The following NCAPD3 variants were observed in gnomAD, a reference collection of about 807,000 sequenced individuals.
NCAPD3 encodes condensin-2 complex subunit D3.
NCAPD3 carries 105 observed loss-of-function variants against 182.9 expected under a neutral mutation model. That is an observed-to-expected ratio of 0.57 (90% CI 0.49 to 0.68). The LOEUF is 0.68. NCAPD3 is among the 30% of genes least tolerant of loss of function. NCAPD3 has a pLI of 0.00. For synonymous variants in NCAPD3, 815 were observed against 679.9 expected, an observed-to-expected ratio of 1.20 and a Z score of -3.09; for missense variants, 1,944 against 1,837.0, an observed-to-expected ratio of 1.06 and a Z score of -1.07.
At chr11:134,220,187 CT>C (rs916853203) in intron 2 of NCAPD3, among the ~76,000 whole-genome samples, 59 of 145,702 alleles carry the variant, frequency 4.0e-4, no homozygotes, top group East Asian at 1.6e-3. Context: ...TATATTTTTC[CT>C]TTTTTTTTTT....
At position 134,163,887 on chromosome 11, in the gene NCAPD3, A is replaced by AAAAAAG. The variant is rs1565521626; in HGVS notation, c.3574-2002_3574-1997dup. ...ATTCTGTCTCAAAAAAAAAAAAAAA[A>AAAAAAG]AAAAAGAAAAAGAAAGAAAGACTGC... On this transcript the variant is annotated intron_variant, in intron 27 of 34. Coordinates refer to ENST00000534548, the MANE Select transcript of NCAPD3 (RefSeq NM_015261.3). Among the ~76,000 whole-genome samples, 7 of 144,592 alleles carry AAAAAAG rather than the reference A, an allele frequency of 4.8e-5. No individual in the cohort carries two copies. The South Asian group carries it at 6.4e-4, about 13-fold the overall frequency. 94.9% of individuals were successfully genotyped at this position (144,592 alleles called of 152,430 possible). A position where few individuals can be genotyped will look rare whatever the true frequency, so the allele number is the denominator to read the frequency against.
At chr11:134,178,980 A>G (rs1304425590) in intron 20 of NCAPD3, 44 bp from the exon 21 acceptor site, 2 of 1,318,336 alleles carry the variant, frequency 1.5e-6, no homozygotes, top group Non-Finnish European at 2.2e-6. Context: ...GGCAAAAGAA[A>G]AGTGAACTCT....
In NCAPD3 at chr11:134,184,719, C is replaced by T; in HGVS notation, c.2369G>A (p.Trp790Ter). ...AVKCKLNGFQWSLEVISSAVD... is the reference protein window; with the variant it reads ...AVKCKLNGFQ ...AGCTGAACTGATCACCTCTAGAGACCACTGAAATCCATTCAGCTTACACTT... is the reference window on the plus strand; with the variant it reads ...AGCTGAACTGATCACCTCTAGAGACTACTGAAATCCATTCAGCTTACACTT... Residue 790 changes from tryptophan (W) to a stop codon, truncating the protein, a stop_gained, in exon 19 of 35, where the codon TGG becomes TAG. Transcript: ENST00000534548. LOFTEE classifies it high-confidence loss of function. The T allele has an allele frequency of 6.2e-7, 1 of 1,613,826 alleles. No individual in the cohort carries two copies. The highest frequency in any genetic ancestry group is 8.5e-7 in the Non-Finnish European group (1 of 1,179,932).
intron 13 of NCAPD3, among the ~76,000 whole-genome samples, chr11:134,200,010 G>A (rs1161359377): frequency 1.3e-5 from 2 of 152,154 alleles, no homozygotes; most frequent in African/African-American, 2.4e-5. Flanking sequence ...GGAACAGGCT[G>A]AAAGAAACAG....
Position 134,178,727 on chromosome 11 carries a change from C to A in NCAPD3, c.2689G>T (p.Gly897Cys). ...ADADHSPSSQ[G>C]SSEAPASQPP... ...TGAGACGCTGGGGCCTCACTGCTGC[C>A]TTGAGATGATGGTGCTGCAAAGAAG... is the stretch of plus-strand genomic sequence containing the variant. Residue 897 changes from glycine (G) to cysteine (C), a missense_variant, in exon 22 of 35, where the codon GGC (glycine) becomes TGC (cysteine). Gly to Cys is a radical substitution (Grantham distance 159). Coordinates refer to ENST00000534548, the MANE Select transcript of NCAPD3 (RefSeq NM_015261.3). The A allele has an allele frequency of 6.2e-7, 1 of 1,608,264 alleles. No homozygotes were observed.
At position 134,204,860 on chromosome 11, in the gene NCAPD3, A is replaced by G; in HGVS notation, c.1089+39T>C. On this transcript the variant is annotated intron_variant, in intron 9 of 34. Transcript: ENST00000534548. The surrounding 1 kb of genome is among the most constrained non-coding windows in gnomAD (Gnocchi z 4.3). ...ACACACATTTATCTTCACACACGAT[A>G]TACTTCCATGTTATTAATATTACTA... 6 of 1,502,252 alleles carry G rather than the reference A, an allele frequency of 4.0e-6. No homozygotes were observed. Among genetic ancestry groups the G allele is most frequent in the Non-Finnish European group, 4.6e-6 (5 of 1,080,046 alleles). The allele number at this position is 1,502,252 out of a possible 1,614,324, so 93.1% of individuals were successfully genotyped here.
intron 2 of NCAPD3, among the ~76,000 whole-genome samples, chr11:134,219,158 G>A (rs768158018): frequency 1.3e-5 from 2 of 152,074 alleles, no homozygotes; most frequent in Non-Finnish European, 2.9e-5. Context: ...CCATTGGGTG[G>A]CTCCTTCACT....
chr11:134,153,217 C>A lies in NCAPD3; in HGVS notation c.4328-17G>T, dbSNP rs1460187909. The A allele has an allele frequency of 1.9e-6, 3 of 1,613,862 alleles. No individual in the cohort carries two copies. Among genetic ancestry groups the A allele is most frequent in the African/African-American group, 1.3e-5 (1 of 74,926 alleles). On this transcript the variant is annotated splice_polypyrimidine_tract_variant and intron_variant, in intron 33 of 34. Transcript: ENST00000534548. ...CAATTTTCTCTAAAAGGGAGTCAAACAAACACATTCAGCTTTCCCAGAACC... is the reference window on the plus strand; with the variant it reads ...CAATTTTCTCTAAAAGGGAGTCAAAAAAACACATTCAGCTTTCCCAGAACC...
rs566923764 is a variant in NCAPD3 at position 134,164,008 on chromosome 11, G to A, written c.3574-2117C>T. Among the ~76,000 whole-genome samples, 5 of 152,240 alleles carry A rather than the reference G, an allele frequency of 3.3e-5. No homozygotes were observed. In the East Asian group the frequency reaches 7.7e-4, roughly 24 times the overall value. On this transcript the variant is annotated intron_variant, in intron 27 of 34. Transcript: ENST00000534548. ...TGGAAATGGGATAAGCTTAAATAAG[G>A]TCAGAACTAGAGAGATAGATTGGTA...
rs376504358 is a variant in NCAPD3, at chr11:134,163,506, TG to T, written c.3574-1616del. Among the ~76,000 whole-genome samples, 649 of 152,132 alleles carry T rather than the reference TG, an allele frequency of 4.3e-3. 3 individuals are homozygous for T. The highest frequency in any genetic ancestry group is 0.014 in the African/African-American group (599 of 41,494). On this transcript the variant is annotated intron_variant, in intron 27 of 34. Transcript: ENST00000534548. Reference sequence around the variant, plus strand: ...CGAGATCAGGAGATTGAGACCATCCTGGCAAACACTGTGAAACCCCATCTCT... The same window carrying T: ...CGAGATCAGGAGATTGAGACCATCCTGCAAACACTGTGAAACCCCATCTCT...
At chr11:134,162,934 T>A (rs1487641109) in intron 27 of NCAPD3, among the ~76,000 whole-genome samples, 2 of 152,072 alleles carry the variant, frequency 1.3e-5, no homozygotes, top group Non-Finnish European at 2.9e-5. Context: ...TGCATGGCCA[T>A]CTGATGGATG....
Position 134,220,632 on chromosome 11 carries a change from T to A in NCAPD3, c.159A>T (p.Ala53=). 2 of 1,614,092 alleles carry A rather than the reference T, an allele frequency of 1.2e-6. No individual in the cohort carries two copies. Among genetic ancestry groups the A allele is most frequent in the Non-Finnish European group, 1.7e-6 (2 of 1,179,926 alleles). ...EAEIIETGLA[A]FTKLYESLLP... The stretch of plus-strand genomic sequence containing the variant: ...AAAGGCTTTCATAGAGTTTTGTGAA[T>A]GCAGCCAATCCAGTCTCTATGATCT... Residue 53 remains alanine (A), a synonymous_variant, in exon 2 of 35, where the codon GCA becomes GCT. Transcript: ENST00000534548.
chr11:134,212,240 T>C (rs569484645), intron 3 of NCAPD3, among the ~76,000 whole-genome samples: 100 of 152,202 alleles, frequency 6.6e-4, no homozygotes, highest in Non-Finnish European at 1.1e-3. Flanking sequence ...ATCTTTCAAA[T>C]ATAAAAGCTG....
rs1199361933 is a variant in NCAPD3 at position 134,173,018 on chromosome 11, C to A, written c.3101+3289G>T. 2.0e-5 allele frequency: 3 copies of A among 150,338 alleles called. No individual in the cohort carries two copies. The Admixed American group carries it at 2.0e-4, about 10-fold the overall frequency. 9.3% of individuals were successfully genotyped at this position (150,338 alleles called of 1,614,324 possible). A position where few individuals can be genotyped will look rare whatever the true frequency, so the allele number is the denominator to read the frequency against. The stretch of plus-strand genomic sequence containing the variant: ...AAAAAAAAAAGTCACACAGAGCGGG[C>A]AGGCAGTGCAAGGACCTGCAGGGGA... On this transcript the variant is annotated intron_variant, in intron 24 of 34. Transcript: ENST00000534548.
Position 134,223,962 on chromosome 11 carries a change from A to C in NCAPD3, c.-36T>G, listed in dbSNP as rs764949123. ...CACCGGCTCGCCGCCGCCGTGCTCA[A>C]CTTTCAAAGCTCGCTCCCGCGCGCG... On this transcript the variant is annotated 5_prime_UTR_variant, in exon 1 of 35. Coordinates refer to ENST00000534548, the MANE Select transcript of NCAPD3 (RefSeq NM_015261.3). 9 of 1,607,178 alleles carry C rather than the reference A, an allele frequency of 5.6e-6. No homozygotes were observed. The highest frequency in any genetic ancestry group is 7.6e-6 in the Non-Finnish European group (9 of 1,177,776).
Position 134,214,126 on chromosome 11 carries a change from T to A in NCAPD3, c.382+2810A>T, listed in dbSNP as rs2136025781. On this transcript the variant is annotated intron_variant, in intron 3 of 34. Transcript: ENST00000534548. ...AACAAAGGCAAGGTACACATTCTGT[T>A]AAAGTGCAAATGGAAGATTCACCAA... Among the ~76,000 whole-genome samples the A allele has an allele frequency of 1.3e-5, 2 of 151,540 alleles. 1 individual carries two copies. Among genetic ancestry groups the A allele is most frequent in the South Asian group, 4.2e-4 (2 of 4,792 alleles).
chr11:134,164,521 G>A (rs1565522379), intron 27 of NCAPD3, among the ~76,000 whole-genome samples: 3 of 152,026 alleles, frequency 2.0e-5, no homozygotes, highest in Non-Finnish European at 4.4e-5. Flanking sequence ...ACGGAAGCCA[G>A]TAGATGGTGA....
chr11:134,223,986 C>G (rs927598981), upstream of NCAPD3: 5 of 1,583,238 alleles, frequency 3.2e-6, no homozygotes, highest in African/African-American at 6.7e-5. Flanking sequence ...CTCCCGCGCG[C>G]GCGCCGAGTC....
At position 134,153,363 on chromosome 11, in the gene NCAPD3, T is replaced by C. The variant is rs759417316; in HGVS notation, c.4253A>G (p.Lys1418Arg). The C allele has an allele frequency of 6.2e-7, 1 of 1,613,990 alleles. No individual in the cohort carries two copies. Among genetic ancestry groups the C allele is most frequent in the African/African-American group, 1.3e-5 (1 of 74,884 alleles). Residue 1418 changes from lysine (K) to arginine (R), a missense_variant and splice_region_variant, in exon 33 of 35, where the codon AAG becomes AGG. This residue lies in a region of NCAPD3 where 1,803 missense variants were observed against 1,674.6 expected (regional missense o/e 1.08). Coordinates refer to ENST00000534548, the MANE Select transcript of NCAPD3 (RefSeq NM_015261.3). ...TCCAAACGTGACATCACTGATGCTC[T>C]CTGCATAAAGAGGAGACACCACTGA... is the stretch of plus-strand genomic sequence containing the variant. ...VTKRAISTPE[K>R]SISDVTFGAG... is the part of the protein sequence containing the mutation.
Sources: allele counts gnomAD v4.1 joint callset (sites outside exome capture counted in the v4.1 genomes callset), GRCh38; gene constraint gnomAD v4.1.1; regional missense constraint gnomAD v4.1.1; non-coding constraint Gnocchi (gnomAD v3.1); transcripts MANE v1.5; gene names NCBI Gene and HGNC (gene_info 2026-07-23, HGNC 2026-07-21).